Variants in SCUBE2 observed in about 807,000 individuals in gnomAD.
The protein encoded by SCUBE2 is signal peptide, CUB and EGF-like domain-containing protein 2.
A neutral mutation model predicts 125.9 loss-of-function variants in SCUBE2; 114 were observed. The ratio of observed to expected loss-of-function variants is 0.91; its 90% confidence interval spans 0.78 to 1.06. The LOEUF is 1.06. Among genes scored for constraint, SCUBE2 ranks in the 50% least tolerant of loss-of-function variants. The pLI is 0.00. For synonymous variants in SCUBE2, 459 were observed against 492.9 expected (o/e 0.93, Z 0.91); for missense variants, 1,255 against 1,301.8 (o/e 0.96, Z 0.55).
intron 8 of SCUBE2, 39 bp downstream of exon 8, chr11:9,060,369 T>A (rs1412420895): frequency 2.0e-6 from 3 of 1,517,730 alleles, no homozygotes; most frequent in East Asian, 2.3e-5. Context: ...CCTCCCTCCA[T>A]AACAGGGCAC....
chr11:9,033,563 C>T (rs904353981), intron 17 of SCUBE2, 63 bp downstream of exon 17: 1 of 1,554,770 alleles, frequency 6.4e-7, no homozygotes, highest in African/African-American at 1.4e-5. Context: ...CCTTGAGATG[C>T]CTTCTGTCTA....
At chr11:9,071,608 T>C (rs1010378822) in intron 4 of SCUBE2, among the ~76,000 whole-genome samples, 7 of 152,222 alleles carry the variant, frequency 4.6e-5, no homozygotes, top group Non-Finnish European at 8.8e-5. Flanking sequence ...ACGTCCAGGA[T>C]GGTTCGTTCA....
rs1180082565 is a variant in SCUBE2, at chr11:9,066,934, G to A, written c.644-121C>T. On this transcript the variant is annotated intron_variant, in intron 5 of 22. Transcript: ENST00000649792. ...TATTTGAGCACCTAGTGCATGCCAG[G>A]CATGGTGCACGAAAGACATAACTCC... 3.9e-6 allele frequency: 3 copies of A among 761,432 alleles called. No individual in the cohort carries two copies. The African/African-American group carries it at 5.1e-5, about 13-fold the overall frequency. The allele number at this position is 761,432 out of a possible 1,614,324, so 47.2% of individuals were successfully genotyped here.
intron 16 of SCUBE2, among the ~76,000 whole-genome samples, chr11:9,037,741 G>A (rs750525712): frequency 6.6e-5 from 10 of 152,218 alleles, no homozygotes; most frequent in Non-Finnish European, 8.8e-5. Flanking sequence ...TTCTTGGGCT[G>A]AGAGATTGAT....
In SCUBE2 at chr11:9,065,921, C is replaced by A; in HGVS notation, c.820G>T (p.Asp274Tyr). The change falls in exon 7 of 23, where the codon GAT becomes TAT. Residue 274 changes from aspartate to tyrosine, a missense_variant. Asp to Tyr is a radical substitution (Grantham distance 160, BLOSUM62 -3). Coordinates refer to ENST00000649792, the MANE Select transcript of SCUBE2 (RefSeq NM_001367977.2). Reference sequence around the variant, plus strand: ...AGCAGCCGCCGTTTCACCCGTTTATCCCCATCCACCACTGATGTGGTGTTG... The same window carrying A: ...AGCAGCCGCCGTTTCACCCGTTTATACCCATCCACCACTGATGTGGTGTTG... ...ESNTTSVVDG[D>Y]KRVKRRLLME... 1 of 1,614,150 alleles carries A rather than the reference C, an allele frequency of 6.2e-7. No individual in the cohort carries two copies. Among genetic ancestry groups the A allele is most frequent in the Non-Finnish European group, 8.5e-7 (1 of 1,180,002 alleles).
intron 2 of SCUBE2, among the ~76,000 whole-genome samples, chr11:9,080,165 C>T (rs965516303): frequency 6.6e-6 from 1 of 152,130 alleles, no homozygotes; most frequent in African/African-American, 2.4e-5. Context: ...TGATTTTAAA[C>T]AAAAGTGCTA....
chr11:9,064,190 G>A (rs1442993593), intron 7 of SCUBE2, among the ~76,000 whole-genome samples: 2 of 152,202 alleles, frequency 1.3e-5, no homozygotes, highest in Non-Finnish European at 2.9e-5. Flanking sequence ...TGTAGGGCCA[G>A]GCATGAAGGC....
At chr11:9,066,587 G>T (rs187220590) in intron 6 of SCUBE2, 110 bp downstream of exon 6, 40 of 884,388 alleles carry the variant, frequency 4.5e-5, no homozygotes, top group South Asian at 4.1e-4. Context: ...CTGCTGGGGG[G>T]GCAAATGCAC....
At chr11:9,054,587 G>C (rs932007053) in intron 10 of SCUBE2, among the ~76,000 whole-genome samples, 1 of 151,208 alleles carries the variant, frequency 6.6e-6, no homozygotes, top group Non-Finnish European at 1.5e-5. Context: ...TCCATACTCA[G>C]GGTACATTTC....
chr11:9,027,328 C>T (rs774982268), intron 20 of SCUBE2, 36 bp downstream of exon 20: 1 of 1,605,226 alleles, frequency 6.2e-7, no homozygotes, highest in Non-Finnish European at 8.5e-7. Context: ...GGCTTCCCAG[C>T]TGGCCTGAGA....
intron 2 of SCUBE2, among the ~76,000 whole-genome samples, chr11:9,080,634 G>A (rs1861554600): frequency 6.7e-6 from 1 of 149,212 alleles, no homozygotes; most frequent in Non-Finnish European, 1.5e-5. Flanking sequence ...GGGTGACAGA[G>A]CAAGACCCTA....
Position 9,021,961 on chromosome 11 carries a change from G to A in SCUBE2, c.2855-6C>T, listed in dbSNP as rs779107141. 1.9e-6 allele frequency: 3 copies of A among 1,605,448 alleles called. No homozygotes were observed. ...AATGAGTTCCTGGTAGTCCTCTGTT[G>A]GAATAAAGAACATGTTTTGCATTCT... On this transcript the variant is annotated splice_polypyrimidine_tract_variant and splice_region_variant and intron_variant, in intron 21 of 22. Coordinates refer to ENST00000649792, the MANE Select transcript of SCUBE2 (RefSeq NM_001367977.2).
At chr11:9,045,542 T>A (rs187022066) in intron 16 of SCUBE2, among the ~76,000 whole-genome samples, 2 of 150,908 alleles carry the variant, frequency 1.3e-5, no homozygotes, top group Admixed American at 6.6e-5. Flanking sequence ...TCAGAAAACA[T>A]CAGCAAGCCT....
intron 3 of SCUBE2, among the ~76,000 whole-genome samples, chr11:9,076,810 A>G (rs1861244566): frequency 6.6e-6 from 1 of 152,210 alleles, no homozygotes; most frequent in Non-Finnish European, 1.5e-5. Flanking sequence ...GACTCAAGCC[A>G]TCCCCTGAAG....
intron 10 of SCUBE2, 55 bp from the exon 11 acceptor site, chr11:9,053,814 T>G (rs1858694218): frequency 6.3e-7 from 1 of 1,586,720 alleles, no homozygotes. Flanking sequence ...TGGGCTGACA[T>G]GGTCCCTCCC....
At chr11:9,057,467 T>A (rs1446998565) in intron 9 of SCUBE2, 1 of 151,824 alleles carries the variant, frequency 6.6e-6, no homozygotes, top group Non-Finnish European at 1.5e-5. Flanking sequence ...TAATGCTACA[T>A]CTTTGTTATC....
intron 1 of SCUBE2, 86 bp from the exon 2 acceptor site, chr11:9,089,915 A>C: frequency 6.6e-7 from 1 of 1,508,840 alleles, no homozygotes; most frequent in Non-Finnish European, 8.9e-7. Flanking sequence ...CATCCTCACC[A>C]GCCCACCCCG....
intron 2 of SCUBE2, among the ~76,000 whole-genome samples, chr11:9,082,639 G>A (rs1324304871): frequency 3.3e-5 from 5 of 152,144 alleles, no homozygotes; most frequent in African/African-American, 7.2e-5. Context: ...ACTATTAAAC[G>A]ATAAAAATGA....
At chr11:9,075,649 C>T (rs1425955285) in intron 3 of SCUBE2, among the ~76,000 whole-genome samples, 1 of 152,212 alleles carries the variant, frequency 6.6e-6, no homozygotes, top group Non-Finnish European at 1.5e-5. Flanking sequence ...GAGAGTCTGG[C>T]CCTTCACTTT....
Sources: gnomAD v4.1 joint callset for allele counts (sites outside exome capture counted in the v4.1 genomes callset) on GRCh38, gnomAD v4.1.1 for gene constraint, MANE v1.5 for transcripts, NCBI Gene and HGNC (gene_info 2026-07-23, HGNC 2026-07-21) for gene names.